Variants in ARHGAP42 observed in about 807,000 individuals in gnomAD.
The protein encoded by ARHGAP42 is rho GTPase-activating protein 42.
In ARHGAP42, 63 loss-of-function variants were observed where a neutral mutation model predicts 125.0. That is an observed-to-expected ratio of 0.50 (90% CI 0.41 to 0.62). ARHGAP42 has a LOEUF of 0.62. ARHGAP42 is among the 20% of genes least tolerant of loss of function. ARHGAP42 has a pLI of 0.00. For missense variants in ARHGAP42, 766 were observed against 1,024.2 expected (o/e 0.75, Z 3.44); for synonymous variants, 339 against 351.0 (o/e 0.97, Z 0.38).
chr11:100,965,687 C>G lies in ARHGAP42; in HGVS notation c.1461C>G (p.Asn487Lys), dbSNP rs1393974952. Residue 487 changes from asparagine to lysine, a missense_variant, in exon 17 of 24, where the codon AAC (asparagine) becomes AAG (lysine). Coordinates refer to ENST00000298815, the MANE Select transcript of ARHGAP42 (RefSeq NM_152432.4). ...ATGTAACAGAATCTGATGATCAAAA[C>G]TACAGGGTGGAGGCTGTACATGCAT... The part of the protein sequence containing the change: ...FIIAVKSDDQ[N>K]YRVEAVHALV... 7 of 1,550,342 alleles carry G rather than the reference C, an allele frequency of 4.5e-6. No homozygotes were observed. Among genetic ancestry groups the G allele is most frequent in the Non-Finnish European group, 6.1e-6 (7 of 1,146,874 alleles).
At chr11:100,941,016 G>C (rs1003233422) in intron 8 of ARHGAP42, among the ~76,000 whole-genome samples, 1 of 152,154 alleles carries the variant, frequency 6.6e-6, no homozygotes, top group Admixed American at 6.5e-5. Context: ...AGGTGAGGGT[G>C]TTTAGATCTT....
At chr11:100,756,421 C>A (rs1012070292) in intron 1 of ARHGAP42, among the ~76,000 whole-genome samples, 1 of 151,890 alleles carries the variant, frequency 6.6e-6, no homozygotes, top group African/African-American at 2.4e-5. Context: ...TTTTTAAATA[C>A]AATTTATCAT....
chr11:100,971,418 G>A (rs1858243782), intron 17 of ARHGAP42, among the ~76,000 whole-genome samples: 1 of 152,156 alleles, frequency 6.6e-6, no homozygotes, highest in Non-Finnish European at 1.5e-5. Context: ...ATAAAAGAAA[G>A]AGAGATGTTC....
At chr11:100,931,771 A>G (rs900156703) in intron 6 of ARHGAP42, among the ~76,000 whole-genome samples, 7 of 152,178 alleles carry the variant, frequency 4.6e-5, no homozygotes, top group African/African-American at 7.2e-5. Context: ...GCAAACCTTT[A>G]TTAAAGGTAT....
chr11:100,708,333 G>A (rs1391591108), intron 1 of ARHGAP42, among the ~76,000 whole-genome samples: 3 of 152,042 alleles, frequency 2.0e-5, no homozygotes, highest in African/African-American at 4.8e-5. Flanking sequence ...GCAACATAGC[G>A]AGACCCCATC....
chr11:100,705,731 A>AT (rs1271866311), intron 1 of ARHGAP42, among the ~76,000 whole-genome samples: 2 of 152,004 alleles, frequency 1.3e-5, no homozygotes, highest in East Asian at 3.9e-4. Context: ...ATATTTAATT[A>AT]TTTTTTATTT....
At chr11:100,859,891 G>A (rs1865403886) in intron 4 of ARHGAP42, 3 of 262,676 alleles carry the variant, frequency 1.1e-5, no homozygotes, top group Non-Finnish European at 2.1e-5. Flanking sequence ...TGAAGACACG[G>A]TGAAATTATG....
chr11:100,886,883 C>A (rs1866104997), intron 4 of ARHGAP42, among the ~76,000 whole-genome samples: 1 of 152,110 alleles, frequency 6.6e-6, no homozygotes, highest in Admixed American at 6.5e-5. Flanking sequence ...TGAAGGAGGT[C>A]TCTTTCTGTG....
chr11:100,899,490 G>A (rs554011912), intron 4 of ARHGAP42, among the ~76,000 whole-genome samples: 1 of 152,206 alleles, frequency 6.6e-6, no homozygotes, highest in South Asian at 2.1e-4. Flanking sequence ...TCTCTTTGTA[G>A]GTCTTTAAGG....
chr11:100,791,826 C>T (rs35472062), intron 2 of ARHGAP42, among the ~76,000 whole-genome samples: 74,946 of 151,926 alleles, frequency 0.49, 19,495 homozygotes, highest in South Asian at 0.63. Context: ...TCAGACATTG[C>T]CATTATAATC....
intron 4 of ARHGAP42, among the ~76,000 whole-genome samples, chr11:100,888,392 T>C (rs914924514): frequency 2.6e-5 from 4 of 152,134 alleles, no homozygotes; most frequent in African/African-American, 7.2e-5. Flanking sequence ...ATTTGTAAAG[T>C]GTTGCATGGG....
intron 1 of ARHGAP42, among the ~76,000 whole-genome samples, chr11:100,756,223 A>C (rs1446872099): frequency 3.8e-5 from 2 of 53,086 alleles, no homozygotes; most frequent in African/African-American, 1.8e-4. Context: ...TTGTCTCTAC[A>C]AAAAAAAAAA....
chr11:100,698,411 C>T (rs1861326800), intron 1 of ARHGAP42, among the ~76,000 whole-genome samples: 1 of 152,160 alleles, frequency 6.6e-6, no homozygotes. Context: ...GTCCGCGCTG[C>T]AGTGAGCCAT....
intron 3 of ARHGAP42, among the ~76,000 whole-genome samples, chr11:100,819,650 T>C (rs1430835143): frequency 6.6e-6 from 1 of 152,158 alleles, no homozygotes; most frequent in Non-Finnish European, 1.5e-5. Flanking sequence ...AGGAGGATAA[T>C]AATAGCACCG....
intron 3 of ARHGAP42, among the ~76,000 whole-genome samples, chr11:100,827,471 G>A (rs942284486): frequency 6.6e-6 from 1 of 152,194 alleles, no homozygotes; most frequent in African/African-American, 2.4e-5. Context: ...CTTGCAGCAG[G>A]TGGCTGCATT....
chr11:100,738,878 A>G (rs1012054539), intron 1 of ARHGAP42, among the ~76,000 whole-genome samples: 2 of 152,206 alleles, frequency 1.3e-5, no homozygotes, highest in African/African-American at 4.8e-5. Flanking sequence ...TCAATGCTCC[A>G]TATTTTGTCT....
Position 100,763,391 on chromosome 11 carries a change from A to G in ARHGAP42, c.155-6952A>G, listed in dbSNP as rs151230968. Among the ~76,000 whole-genome samples the G allele has an allele frequency of 4.7e-4, 71 of 152,302 alleles. No homozygotes were observed. The East Asian group carries it at 0.013, about 28-fold the overall frequency. On this transcript the variant is annotated intron_variant, in intron 1 of 23. Coordinates refer to ENST00000298815, the MANE Select transcript of ARHGAP42 (RefSeq NM_152432.4). The stretch of plus-strand genomic sequence containing the variant: ...TATTAGGCACTAAGGGCAAAAACAG[A>G]TGAATATATACCTACCTTCAAGAAG...
intron 1 of ARHGAP42, among the ~76,000 whole-genome samples, chr11:100,736,061 T>C (rs896844116): frequency 2.0e-5 from 3 of 152,200 alleles, no homozygotes; most frequent in African/African-American, 7.2e-5. Flanking sequence ...AGCTGAGATA[T>C]ATTTTTCAAA....
At chr11:100,712,746 A>G (rs1482727260) in intron 1 of ARHGAP42, among the ~76,000 whole-genome samples, 1 of 152,218 alleles carries the variant, frequency 6.6e-6, no homozygotes, top group African/African-American at 2.4e-5. Flanking sequence ...TTGATCAGGT[A>G]GAAGCTGGAA....
Sources: allele counts gnomAD v4.1 joint callset (sites outside exome capture counted in the v4.1 genomes callset), GRCh38; gene constraint gnomAD v4.1.1; transcripts MANE v1.5; gene names NCBI Gene and HGNC (gene_info 2026-07-23, HGNC 2026-07-21).